The following PABIR3 variants were observed in gnomAD, a reference collection of about 807,000 sequenced individuals.
PABIR3 encodes PABIR family member 1.
PABIR3 carries 20 observed loss-of-function variants against 23.1 expected under a neutral mutation model. The ratio of observed to expected loss-of-function variants is 0.86; its 90% confidence interval spans 0.61 to 1.26. The LOEUF is 1.26. Ranked by LOEUF, PABIR3 falls within the 50% of genes most tolerant of loss-of-function variation. PABIR3 has a pLI of 0.00. For synonymous variants in PABIR3, 69 were observed against 68.5 expected (o/e 1.01, Z -0.04); for missense variants, 189 against 195.4 (o/e 0.97, Z 0.20).
chrX:134,821,436 A>G, intron 3 of PABIR3: 1 of 1,155,198 alleles, frequency 8.7e-7, no homozygotes, highest in Non-Finnish European at 1.1e-6. Flanking sequence ...AGAACTCTGA[A>G]GTTGCCATGC....
chrX:134,840,331 C>T (rs1264660264), intron 4 of PABIR3, among the ~76,000 whole-genome samples: 2 of 108,500 alleles, frequency 1.8e-5, no homozygotes, highest in Non-Finnish European at 3.8e-5. Context: ...TCCCCCTCTG[C>T]GAGAAACACG....
intron 1 of PABIR3, among the ~76,000 whole-genome samples, chrX:134,797,792 A>G (rs1199183102): frequency 1.1e-4 from 12 of 108,333 alleles, no homozygotes; most frequent in Non-Finnish European, 2.3e-4. Flanking sequence ...ATCATGCCTC[A>G]GCGTGGGTGA....
Position 134,852,872 on chromosome X carries a change from C to A in PABIR3, c.662C>A (p.Ser221Tyr). 1 of 1,132,374 alleles carries A rather than the reference C, an allele frequency of 8.8e-7. No homozygotes were observed. Among genetic ancestry groups the A allele is most frequent in the Non-Finnish European group, 1.2e-6 (1 of 861,525 alleles). The allele number at this position is 1,132,374 out of a possible 1,213,427, so 93.3% of individuals were successfully genotyped here. ...GTTNMLSSDT[S>Y]QLSENNVYLL... Reference sequence around the variant, plus strand: ...ACCAACATGCTTTCTTCTGATACTTCCCAACTGTCAGAAAATAATGTGTAG... The same window carrying A: ...ACCAACATGCTTTCTTCTGATACTTACCAACTGTCAGAAAATAATGTGTAG... Residue 221 changes from serine to tyrosine, a missense_variant, in exon 10 of 11, where the codon TCC (serine) becomes TAC (tyrosine). Ser to Tyr is a moderately radical substitution (Grantham distance 144). Coordinates refer to ENST00000645433, the MANE Select transcript of PABIR3 (RefSeq NM_001388447.1).
chrX:134,843,922 T>TG (rs1464140905), intron 4 of PABIR3, among the ~76,000 whole-genome samples: 2 of 94,476 alleles, frequency 2.1e-5, no homozygotes, highest in African/African-American at 8.0e-5. Flanking sequence ...CATGTTCTTT[T>TG]TTTTTTTTTT....
chrX:134,851,718 G>A (rs1323050919), intron 9 of PABIR3, among the ~76,000 whole-genome samples: 1 of 111,837 alleles, frequency 8.9e-6, no homozygotes, highest in African/African-American at 3.2e-5. Context: ...CCAAAAAAGA[G>A]AGCTGAGTAG....
chrX:134,860,871 TTAGAA>T, the PABIR3 span, among the ~76,000 whole-genome samples: 1 of 111,939 alleles, frequency 8.9e-6, no homozygotes, highest in Non-Finnish European at 1.9e-5. Context: ...TATGAAATAT[TTAGAA>T]TAGACAAATT....
At chrX:134,821,302 C>A in intron 3 of PABIR3, 1 of 1,087,552 alleles carries the variant, frequency 9.2e-7, no homozygotes, top group South Asian at 2.1e-5. Context: ...TAATTAAGTG[C>A]AAATATTTTC....
the PABIR3 span, among the ~76,000 whole-genome samples, chrX:134,864,109 G>A: frequency 2.7e-5 from 3 of 110,635 alleles, no homozygotes; most frequent in Non-Finnish European, 5.7e-5. Context: ...CGAGTGCATT[G>A]TCATGATCTC....
chrX:134,831,295 C>G (rs1234357628), intron 4 of PABIR3, among the ~76,000 whole-genome samples: 1 of 111,173 alleles, frequency 9.0e-6, no homozygotes, highest in Non-Finnish European at 1.9e-5. Flanking sequence ...TTTCGAACTC[C>G]TGACCTCAAG....
chrX:134,829,922 T>C (rs1380197568), intron 4 of PABIR3, among the ~76,000 whole-genome samples: 2 of 112,340 alleles, frequency 1.8e-5, no homozygotes, highest in Non-Finnish European at 3.8e-5. Context: ...CCACAGGTGG[T>C]ATTTTTTTCT....
rs770414022 is a variant in PABIR3 at position 134,814,407 on chromosome X, G to T, written c.111-364G>T. The stretch of plus-strand genomic sequence containing the variant: ...GTTTAGGTATTTGAAATCTTTAAAA[G>T]AATTTTGTGGCCGGGCATGGTGGAT... On this transcript the variant is annotated intron_variant, in intron 2 of 10. Coordinates refer to ENST00000645433, the MANE Select transcript of PABIR3 (RefSeq NM_001388447.1). Among the ~76,000 whole-genome samples the T allele has an allele frequency of 3.6e-5, 4 of 111,714 alleles. No individual in the cohort carries two copies. In the South Asian group the frequency reaches 1.5e-3, roughly 41 times the overall value.
intron 3 of PABIR3, among the ~76,000 whole-genome samples, chrX:134,824,826 A>T (rs544554594): frequency 1.2e-4 from 13 of 112,172 alleles, no homozygotes; most frequent in African/African-American, 3.2e-4. Context: ...AAAAAGAAAA[A>T]AAATAAAAGA....
chrX:134,830,369 G>C, intron 4 of PABIR3, among the ~76,000 whole-genome samples: 1 of 72,338 alleles, frequency 1.4e-5, no homozygotes, highest in African/African-American at 5.9e-5. Context: ...GTTTCGCTCT[G>C]TTGCCCAGAC....
At chrX:134,859,044 G>A (rs1182770143), downstream of PABIR3, among the ~76,000 whole-genome samples, 1 of 111,590 alleles carries the variant, frequency 9.0e-6, no homozygotes, top group Non-Finnish European at 1.9e-5. Flanking sequence ...CAGCCTTTTG[G>A]GAGAGTGACC....
chrX:134,862,142 G>GTTTTT, the PABIR3 span, among the ~76,000 whole-genome samples: 60 of 47,896 alleles, frequency 1.3e-3, 1 homozygote, highest in African/African-American at 3.1e-3. Flanking sequence ...TTTATTGGCT[G>GTTTTT]TTTTTTTTTT....
At chrX:134,804,873 C>G (rs902724871), upstream of PABIR3, among the ~76,000 whole-genome samples, 1 of 112,487 alleles carries the variant, frequency 8.9e-6, no homozygotes, top group African/African-American at 3.2e-5. Flanking sequence ...CTTTTATAAA[C>G]GTTCAGGTAC....
At chrX:134,844,504 A>G (rs2082369906) in intron 4 of PABIR3, among the ~76,000 whole-genome samples, 1 of 110,711 alleles carries the variant, frequency 9.0e-6, no homozygotes, top group South Asian at 3.8e-4. Context: ...AAAAAAAAAA[A>G]CTACCTATGT....
downstream of PABIR3, among the ~76,000 whole-genome samples, chrX:134,856,272 G>A (rs2082749942): frequency 2.9e-5 from 3 of 104,981 alleles, no homozygotes; most frequent in East Asian, 6.0e-4. Flanking sequence ...TGCAACCTCC[G>A]CCTCCCAGGT....
chrX:134,803,351 A>AT (rs2080113459), upstream of PABIR3, among the ~76,000 whole-genome samples: 1 of 111,867 alleles, frequency 8.9e-6, no homozygotes, highest in Non-Finnish European at 1.9e-5. Context: ...ATTGTTTCTT[A>AT]CTTATCTTAT....
Sources: allele counts gnomAD v4.1 joint callset (sites outside exome capture counted in the v4.1 genomes callset), GRCh38; gene constraint gnomAD v4.1.1; transcripts MANE v1.5; gene names NCBI Gene and HGNC (gene_info 2026-07-23, HGNC 2026-07-21).